Variants in GRK5 observed in about 807,000 individuals in gnomAD.
The protein encoded by GRK5 is g protein-coupled receptor kinase GRK5.
In GRK5, 40 loss-of-function variants were observed where a neutral mutation model predicts 78.4. The observed-to-expected ratio is 0.51, with a 90% CI of 0.40 to 0.66. The LOEUF is 0.66. GRK5 is among the 30% of genes least tolerant of loss of function. GRK5 has a pLI of 0.00. For missense variants in GRK5, 598 were observed against 759.9 expected (o/e 0.79, Z 2.50); for synonymous variants, 289 against 296.8 (o/e 0.97, Z 0.27).
intron 2 of GRK5, chr10:119,333,767 G>T (rs1400434965): frequency 1.9e-6 from 1 of 532,722 alleles, no homozygotes. Flanking sequence ...CTGTCCACGG[G>T]GGAGCTGAGC....
chr10:119,369,254 G>T (rs1387904925), intron 2 of GRK5, among the ~76,000 whole-genome samples: 1 of 152,208 alleles, frequency 6.6e-6, no homozygotes, highest in Admixed American at 6.5e-5. Flanking sequence ...GAGAAAAAAG[G>T]TTGTAGAAAG....
intron 13 of GRK5, among the ~76,000 whole-genome samples, chr10:119,449,174 G>T (rs180961169): frequency 7.6e-6 from 1 of 131,530 alleles, no homozygotes; most frequent in African/African-American, 2.7e-5. Context: ...CTTTGCGTCG[G>T]TAGCTTACAG....
intron 4 of GRK5, among the ~76,000 whole-genome samples, chr10:119,418,609 C>A (rs1206172715): frequency 6.6e-6 from 1 of 152,226 alleles, no homozygotes; most frequent in African/African-American, 2.4e-5. Context: ...CTGAGGCTGA[C>A]CACTGTGTAG....
In GRK5 at chr10:119,430,101, G is replaced by C. The variant is rs746473514; in HGVS notation, c.534-274G>C. ...TGTGGTCAAGCACCTCTGCACTCAG[G>C]TTTTTCAAGCTTTCTGAGCAAGCGA... On this transcript the variant is annotated intron_variant, in intron 6 of 15. Coordinates refer to ENST00000392870, the MANE Select transcript of GRK5 (RefSeq NM_005308.3). The surrounding 1 kb of genome is among the most constrained non-coding windows in gnomAD (Gnocchi z 4.5). 2.0e-5 allele frequency among the ~76,000 whole-genome samples: 3 copies of C among 152,196 alleles called. No homozygotes were observed. Among genetic ancestry groups the C allele is most frequent in the Non-Finnish European group, 4.4e-5 (3 of 68,024 alleles).
chr10:119,366,034 G>T (rs1851443713), intron 2 of GRK5, among the ~76,000 whole-genome samples: 1 of 152,214 alleles, frequency 6.6e-6, no homozygotes, highest in Non-Finnish European at 1.5e-5. Context: ...TAAGCGACCT[G>T]GTCCCTGACT....
chr10:119,425,060 T>C lies in GRK5; in HGVS notation c.508T>C (p.Phe170Leu), dbSNP rs1852647151. 6.2e-7 allele frequency: 1 copy of C among 1,613,640 alleles called. No homozygotes were observed. The highest frequency in any genetic ancestry group is 8.5e-7 in the Non-Finnish European group (1 of 1,179,710). The change falls in exon 6 of 16, where the codon TTT becomes CTT. Residue 170 changes from phenylalanine to leucine, a missense_variant. Coordinates refer to ENST00000392870, the MANE Select transcript of GRK5 (RefSeq NM_005308.3). ...EYLDSMFFDR[F>L]LQWKWLERQP... ...TCTGGACAGCATGTTTTTTGACCGCTTTCTCCAGTGGAAGTGGTTGGAAAG... is the reference window on the plus strand; with the variant it reads ...TCTGGACAGCATGTTTTTTGACCGCCTTCTCCAGTGGAAGTGGTTGGAAAG...
intron 2 of GRK5, among the ~76,000 whole-genome samples, chr10:119,328,826 G>T (rs1348275160): frequency 6.6e-6 from 1 of 152,222 alleles, no homozygotes; most frequent in Non-Finnish European, 1.5e-5. Context: ...TCTGCAGGTG[G>T]TGATGCCAGG....
chr10:119,285,123 G>C (rs781043479), intron 1 of GRK5, among the ~76,000 whole-genome samples: 36 of 152,168 alleles, frequency 2.4e-4, no homozygotes, highest in Non-Finnish European at 4.1e-4. Context: ...CTAGAGTGAA[G>C]TCATCAGACC....
At chr10:119,422,429 C>T (rs1233526315) in intron 4 of GRK5, among the ~76,000 whole-genome samples, 1 of 152,222 alleles carries the variant, frequency 6.6e-6, no homozygotes, top group African/African-American at 2.4e-5. Flanking sequence ...TGATTTGCTC[C>T]AAGAGAAACT....
intron 8 of GRK5, among the ~76,000 whole-genome samples, chr10:119,435,428 A>C (rs1222062205): frequency 6.6e-6 from 1 of 152,188 alleles, no homozygotes; most frequent in Non-Finnish European, 1.5e-5. Context: ...GTTGCTTAGA[A>C]ATTTCTTCTG....
At chr10:119,272,388 C>G (rs1254363782) in intron 1 of GRK5, among the ~76,000 whole-genome samples, 1 of 152,036 alleles carries the variant, frequency 6.6e-6, no homozygotes, top group African/African-American at 2.4e-5. Context: ...ACCAGACTGG[C>G]CAACATGGTG....
intron 1 of GRK5, among the ~76,000 whole-genome samples, chr10:119,307,561 G>A (rs543301916): frequency 4.6e-5 from 7 of 152,214 alleles, no homozygotes; most frequent in African/African-American, 1.7e-4. Flanking sequence ...AGGAATAGAG[G>A]TGGCCTGTAG....
At position 119,238,806 on chromosome 10, in the gene GRK5, A is replaced by AT. The variant is rs1017763907; in HGVS notation, c.52+30838dup. ...ATGATGACCCCGGAGAAGGGTGGTC[A>AT]TATGGCCAGTGTCAGGATTAATAGA... On this transcript the variant is annotated intron_variant, in intron 1 of 15. Coordinates refer to ENST00000392870, the MANE Select transcript of GRK5 (RefSeq NM_005308.3). This position sits in a 1 kb window ranked among gnomAD's most constrained non-coding sequence, Gnocchi z 4.7. Among the ~76,000 whole-genome samples, 7 of 152,176 alleles carry AT rather than the reference A, an allele frequency of 4.6e-5. No individual in the cohort carries two copies. The highest frequency in any genetic ancestry group is 8.8e-5 in the Non-Finnish European group (6 of 68,036).
chr10:119,431,635 A>C lies in GRK5; in HGVS notation c.738+108A>C. 1 of 1,316,632 alleles carries C rather than the reference A, an allele frequency of 7.6e-7. No homozygotes were observed. The highest frequency in any genetic ancestry group is 1.0e-6 in the Non-Finnish European group (1 of 963,856). 81.6% of individuals were successfully genotyped at this position (1,316,632 alleles called of 1,614,324 possible). On this transcript the variant is annotated intron_variant, in intron 8 of 15. Transcript: ENST00000392870. This position sits in a 1 kb window ranked among gnomAD's most constrained non-coding sequence, Gnocchi z 4.8. ...AATGCGGCCGGTCCCCACCCCTGGG[A>C]AGGGGAATGCCAGTGGCAGCGCTGA... is the stretch of plus-strand genomic sequence containing the variant.
In GRK5 at chr10:119,301,893, C is replaced by T. The variant is rs902085911; in HGVS notation, c.53-24623C>T. On this transcript the variant is annotated intron_variant, in intron 1 of 15. Coordinates refer to ENST00000392870, the MANE Select transcript of GRK5 (RefSeq NM_005308.3). ...ACCCTGTCTTGAGTTCCAGGATTCC[C>T]GGCAGCCACTGCCATCTTTTTGGAG... Among the ~76,000 whole-genome samples, 6 of 152,220 alleles carry T rather than the reference C, an allele frequency of 3.9e-5. No individual in the cohort carries two copies. In the East Asian group the frequency reaches 5.8e-4, roughly 15 times the overall value.
Position 119,241,818 on chromosome 10 carries a change from G to T in GRK5, c.52+33849G>T, listed in dbSNP as rs560348383. 1.2e-4 allele frequency among the ~76,000 whole-genome samples: 19 copies of T among 152,232 alleles called. No individual in the cohort carries two copies. The East Asian group carries it at 3.7e-3, about 29-fold the overall frequency. ...TGAAGTTGACAAAAGATTAACAAGA[G>T]AAAAAATGGATTTAATTGGATTCTT... On this transcript the variant is annotated intron_variant, in intron 1 of 15. Transcript: ENST00000392870.
At chr10:119,385,845 A>C (rs1370204098) in intron 3 of GRK5, among the ~76,000 whole-genome samples, 1 of 151,556 alleles carries the variant, frequency 6.6e-6, no homozygotes, top group Non-Finnish European at 1.5e-5. Flanking sequence ...CATGAGAAAG[A>C]TCTGGGCTGG....
rs1168865368 is a variant in GRK5 at position 119,430,917 on chromosome 10, C to G, written c.598-470C>G. Among the ~76,000 whole-genome samples the G allele has an allele frequency of 6.6e-6, 1 of 152,144 alleles. No homozygotes were observed. Among genetic ancestry groups the G allele is most frequent in the East Asian group, 1.9e-4 (1 of 5,200 alleles). Reference sequence around the variant, plus strand: ...GTCCAGAATGGTTAGGTGACCCAGCCAAGGGCGCGCAGACAATGTGAGGCA... The same window carrying G: ...GTCCAGAATGGTTAGGTGACCCAGCGAAGGGCGCGCAGACAATGTGAGGCA... On this transcript the variant is annotated intron_variant, in intron 7 of 15. Coordinates refer to ENST00000392870, the MANE Select transcript of GRK5 (RefSeq NM_005308.3). This position sits in a 1 kb window ranked among gnomAD's most constrained non-coding sequence, Gnocchi z 4.5.
chr10:119,302,147 A>G (rs1405969181), intron 1 of GRK5, among the ~76,000 whole-genome samples: 1 of 152,124 alleles, frequency 6.6e-6, no homozygotes, highest in African/African-American at 2.4e-5. Context: ...ACATTCCTTT[A>G]AGGTGTCATT....
Sources: allele counts gnomAD v4.1 joint callset (sites outside exome capture counted in the v4.1 genomes callset), GRCh38; gene constraint gnomAD v4.1.1; non-coding constraint Gnocchi (gnomAD v3.1); transcripts MANE v1.5; gene names NCBI Gene and HGNC (gene_info 2026-07-23, HGNC 2026-07-21).